The following USP48 variants were observed in gnomAD, a reference collection of about 807,000 sequenced individuals.
USP48 encodes the protein ubiquitin specific peptidase 48, also known as ubiquitin carboxyl-terminal hydrolase 48.
A neutral mutation model predicts 150.7 loss-of-function variants in USP48; 43 were observed. The ratio of observed to expected loss-of-function variants is 0.29; its 90% CI spans 0.22 to 0.37. USP48 has a LOEUF of 0.37. Ranked by LOEUF, USP48 falls within the 10% of genes least tolerant of loss-of-function variation. USP48 has a pLI of 1.00. For missense variants in USP48, 813 were observed against 1,249.6 expected (o/e 0.65, Z 5.27); for synonymous variants, 396 against 425.9 (o/e 0.93, Z 0.86).
At chr1:21,767,357 C>T (rs1229907327) in intron 1 of USP48, among the ~76,000 whole-genome samples, 1 of 152,118 alleles carries the variant, frequency 6.6e-6, no homozygotes, top group East Asian at 1.9e-4. Flanking sequence ...CGCTCTGTTG[C>T]CCAGGCTAGA....
intron 21 of USP48, among the ~76,000 whole-genome samples, chr1:21,702,108 G>A (rs1315132471): frequency 6.6e-6 from 1 of 152,146 alleles, no homozygotes; most frequent in African/African-American, 2.4e-5. Flanking sequence ...TTTTATACCA[G>A]AGAACAAAAG....
At chr1:21,765,206 T>C (rs1480298489) in intron 1 of USP48, among the ~76,000 whole-genome samples, 1 of 152,198 alleles carries the variant, frequency 6.6e-6, no homozygotes, top group Non-Finnish European at 1.5e-5. Flanking sequence ...AAGACTGCAC[T>C]GTATGAGAAC....
chr1:21,688,201 T>C (rs979413793), intron 24 of USP48, among the ~76,000 whole-genome samples: 1 of 151,964 alleles, frequency 6.6e-6, no homozygotes, highest in Non-Finnish European at 1.5e-5. Flanking sequence ...ATTGGGCAAA[T>C]GAGGCTGGTT....
chr1:21,753,840 A>AAC (rs1190493511), intron 3 of USP48, among the ~76,000 whole-genome samples: 2 of 150,548 alleles, frequency 1.3e-5, no homozygotes, highest in African/African-American at 2.4e-5. Context: ...AAAAAAAAAA[A>AAC]AAAAAAAACT....
intron 15 of USP48, 24 bp from the exon 16 acceptor site, chr1:21,706,892 G>GAAA (rs112985732): frequency 1.6e-5 from 21 of 1,293,458 alleles, no homozygotes; most frequent in African/African-American, 9.4e-5. Flanking sequence ...AATATATTTG[G>GAAA]AAAAAAAAAA....
intron 1 of USP48, among the ~76,000 whole-genome samples, chr1:21,769,748 G>C (rs1572039723): frequency 1.3e-5 from 2 of 152,110 alleles, no homozygotes; most frequent in East Asian, 3.9e-4. Flanking sequence ...ATGGTGGTGA[G>C]TATCTGCAGT....
At chr1:21,758,375 C>T (rs950487397) in intron 1 of USP48, among the ~76,000 whole-genome samples, 1 of 152,016 alleles carries the variant, frequency 6.6e-6, no homozygotes, top group African/African-American at 2.4e-5. Flanking sequence ...CATATTTCTG[C>T]TCATTTTGTA....
intron 25 of USP48, chr1:21,685,872 T>C (rs890576749): frequency 6.9e-6 from 1 of 145,686 alleles, no homozygotes; most frequent in African/African-American, 2.8e-5. Flanking sequence ...ATTCTAGCAT[T>C]TTGGGAGGCC....
At position 21,782,807 on chromosome 1, in the gene USP48, C is replaced by A; in HGVS notation, c.134+17G>T. On this transcript the variant is annotated intron_variant, in intron 1 of 26. Coordinates refer to ENST00000308271, the MANE Select transcript of USP48 (RefSeq NM_032236.8). ...TCCGGCGCGAGGAGCCCGCGAGGCG[C>A]GGTGCGCGGGCCTCACCTGCACACG... 2 of 1,515,100 alleles carry A rather than the reference C, an allele frequency of 1.3e-6. No homozygotes were observed. Among genetic ancestry groups the A allele is most frequent in the Non-Finnish European group, 1.8e-6 (2 of 1,132,220 alleles). 93.9% of individuals were successfully genotyped at this position (1,515,100 alleles called of 1,614,324 possible).
chr1:21,680,530 T>C (rs1375244587), intron 26 of USP48, among the ~76,000 whole-genome samples: 2 of 152,202 alleles, frequency 1.3e-5, no homozygotes, highest in Admixed American at 1.3e-4. Context: ...CACTAGCTAA[T>C]TTCCCAACCT....
chr1:21,728,296 T>C (rs778393376), intron 11 of USP48: 32 of 1,145,122 alleles, frequency 2.8e-5, no homozygotes, highest in African/African-American at 4.8e-5. Flanking sequence ...TCACAAAATA[T>C]AAATATCTAC....
intron 1 of USP48, among the ~76,000 whole-genome samples, chr1:21,770,764 G>A (rs1032091344): frequency 6.6e-6 from 1 of 151,894 alleles, no homozygotes; most frequent in African/African-American, 2.4e-5. Context: ...TTACAGGCAT[G>A]AGCCACTGCA....
At chr1:21,752,195 G>A (rs2097817736) in intron 5 of USP48, among the ~76,000 whole-genome samples, 2 of 152,014 alleles carry the variant, frequency 1.3e-5, no homozygotes, top group South Asian at 2.1e-4. Flanking sequence ...GTTGTATATT[G>A]TACTCATGCA....
At chr1:21,715,937 G>T (rs537535959) in intron 14 of USP48, among the ~76,000 whole-genome samples, 2 of 152,120 alleles carry the variant, frequency 1.3e-5, no homozygotes, top group Non-Finnish European at 2.9e-5. Context: ...GACCCTCAAT[G>T]GATGCCTAAA....
At chr1:21,761,709 G>A (rs1459591675) in intron 1 of USP48, among the ~76,000 whole-genome samples, 1 of 152,144 alleles carries the variant, frequency 6.6e-6, no homozygotes, top group Non-Finnish European at 1.5e-5. Context: ...AACTATGATT[G>A]CACCTGTGAA....
intron 1 of USP48, chr1:21,781,799 AACTG>A (rs746761409): frequency 2.0e-5 from 3 of 152,256 alleles, no homozygotes; most frequent in Non-Finnish European, 4.4e-5. Flanking sequence ...TACGTTGAGA[AACTG>A]ACTGAAGCTT....
chr1:21,751,417 C>T, intron 6 of USP48, 90 bp downstream of exon 6: 1 of 966,324 alleles, frequency 1.0e-6, no homozygotes, highest in Non-Finnish European at 1.6e-6. Context: ...ACAATAAAAG[C>T]TCTAGCCACT....
In USP48 at chr1:21,695,219, G is replaced by T. The variant is rs1423587082; in HGVS notation, c.2730C>A (p.Ser910Arg). 1.9e-6 allele frequency: 3 copies of T among 1,608,534 alleles called. No individual in the cohort carries two copies. Among genetic ancestry groups the T allele is most frequent in the Non-Finnish European group, 2.5e-6 (3 of 1,178,264 alleles). The change falls in exon 23 of 27, where the codon AGC becomes AGA. Residue 910 changes from serine to arginine, a missense_variant and splice_region_variant. Physicochemically the swap from Ser to Arg is moderately radical, Grantham distance 110 (BLOSUM62 -1). Transcript: ENST00000308271. ...DGEKDPDFNQ[S>R]NGGTKRQKIS... ...TCTTTTGCCGCTTTGTTCCACCATT[G>T]CTCTATAATGAAGATTGGAAATGAA...
intron 25 of USP48, chr1:21,685,799 C>T (rs889846379): frequency 2.0e-5 from 3 of 152,070 alleles, no homozygotes; most frequent in Non-Finnish European, 2.9e-5. Context: ...GTTTTGGTGG[C>T]GTCTTTAGGT....
Sources: allele counts gnomAD v4.1 joint callset (sites outside exome capture counted in the v4.1 genomes callset), GRCh38; gene constraint gnomAD v4.1.1; transcripts MANE v1.5; gene names NCBI Gene and HGNC (gene_info 2026-07-23, HGNC 2026-07-21).